ESRRG: variants seen among roughly 807,000 people sequenced by gnomAD.
The protein encoded by ESRRG is estrogen related receptor gamma, also known as estrogen-related receptor gamma.
Under a neutral mutation model 44.0 loss-of-function variants are expected in ESRRG, and 13 were observed. The ratio of observed to expected loss-of-function variants is 0.30; its 90% CI spans 0.19 to 0.47. ESRRG has a LOEUF of 0.47. ESRRG is among the 20% of genes least tolerant of loss of function. The pLI is 1.00. For missense variants in ESRRG, 395 were observed against 580.6 expected, an observed-to-expected ratio of 0.68 and a Z score of 3.29; for synonymous variants, 215 against 214.6, an observed-to-expected ratio of 1.00 and a Z score of -0.02.
At chr1:216,746,804 C>CTG (rs2091454297) in intron 2 of ESRRG, among the ~76,000 whole-genome samples, 1 of 152,132 alleles carries the variant, frequency 6.6e-6, no homozygotes, top group Non-Finnish European at 1.5e-5. Context: ...TTTCCAAAAA[C>CTG]TGTCTGTTCA....
chr1:217,072,492 T>C (rs1199406565), intron 1 of ESRRG, among the ~76,000 whole-genome samples: 1 of 152,230 alleles, frequency 6.6e-6, no homozygotes, highest in African/African-American at 2.4e-5. Flanking sequence ...TATATAATCT[T>C]ATTTAATCCT....
intron 3 of ESRRG, among the ~76,000 whole-genome samples, chr1:216,631,246 G>A (rs1303709432): frequency 6.6e-6 from 1 of 152,142 alleles, no homozygotes; most frequent in Non-Finnish European, 1.5e-5. Context: ...AATAGTCACA[G>A]GAAGTTGCTA....
intron 2 of ESRRG, among the ~76,000 whole-genome samples, chr1:216,749,026 T>C (rs2091734166): frequency 6.6e-6 from 1 of 152,142 alleles, no homozygotes; most frequent in Non-Finnish European, 1.5e-5. Context: ...TAATTTGTCA[T>C]GGCTCCATGC....
chr1:217,098,310 C>T (rs2092455901), intron 1 of ESRRG, among the ~76,000 whole-genome samples: 1 of 150,738 alleles, frequency 6.6e-6, no homozygotes, highest in Admixed American at 6.6e-5. Context: ...CATCATAAAA[C>T]ACTCATATTT....
At chr1:216,634,637 A>G (rs1299198748) in intron 3 of ESRRG, among the ~76,000 whole-genome samples, 2 of 152,208 alleles carry the variant, frequency 1.3e-5, no homozygotes, top group Non-Finnish European at 2.9e-5. Flanking sequence ...GCCAGTGCAG[A>G]ATAGCTGGAC....
At chr1:216,894,232 C>A (rs113309802) in intron 2 of ESRRG, among the ~76,000 whole-genome samples, 3,380 of 152,212 alleles carry the variant, frequency 0.022, 50 homozygotes, top group Non-Finnish European at 0.036. Flanking sequence ...GAAACTATGA[C>A]CTGGTAGTGA....
intron 2 of ESRRG, among the ~76,000 whole-genome samples, chr1:216,848,654 AC>A (rs2095797041): frequency 1.3e-5 from 2 of 152,202 alleles, no homozygotes; most frequent in African/African-American, 4.8e-5. Context: ...AGACAGTTAA[AC>A]TTTGCTATGC....
chr1:216,546,072 C>G (rs1017834920), intron 5 of ESRRG, among the ~76,000 whole-genome samples: 5 of 152,040 alleles, frequency 3.3e-5, no homozygotes, highest in African/African-American at 9.7e-5. Flanking sequence ...TTCTCAACAT[C>G]AGCACTATTG....
chr1:216,604,815 A>G (rs1270090847), intron 3 of ESRRG, among the ~76,000 whole-genome samples: 5 of 152,206 alleles, frequency 3.3e-5, no homozygotes, highest in Non-Finnish European at 7.3e-5. Context: ...TCCTTGATCT[A>G]AACATGCATT....
At chr1:216,533,693 A>G (rs1475775372) in intron 5 of ESRRG, among the ~76,000 whole-genome samples, 2 of 152,142 alleles carry the variant, frequency 1.3e-5, no homozygotes, top group Non-Finnish European at 2.9e-5. Flanking sequence ...CATGTTCCCT[A>G]ACTAGCGGAT....
At chr1:216,932,342 G>T (rs904987165) in intron 2 of ESRRG, among the ~76,000 whole-genome samples, 1 of 152,068 alleles carries the variant, frequency 6.6e-6, no homozygotes. Context: ...AAAAAAATTG[G>T]CAAGGCAGTA....
rs141456185 is a variant in ESRRG, at chr1:217,098,917, T to C, written c.-230+38750A>G. On this transcript the variant is annotated intron_variant, in intron 1 of 8. Coordinates refer to the ESRRG transcript ENST00000366940. ...ACCCTCTTAGGGAGGACTACCTATG[T>C]CACCTGATTTAAAACAGAAACATCA... 3.3e-4 allele frequency among the ~76,000 whole-genome samples: 50 copies of C among 152,324 alleles called. 1 individual carries two copies. The highest frequency in any genetic ancestry group is 1.1e-3 in the African/African-American group (46 of 41,578).
At chr1:217,053,603 A>C (rs913954656) in intron 1 of ESRRG, among the ~76,000 whole-genome samples, 10 of 152,228 alleles carry the variant, frequency 6.6e-5, no homozygotes, top group African/African-American at 2.4e-4. Context: ...ATTCAAGAAT[A>C]AATATTAATA....
At chr1:216,711,043 C>T (rs1006456593) in intron 1 of ESRRG, among the ~76,000 whole-genome samples, 33 of 152,160 alleles carry the variant, frequency 2.2e-4, no homozygotes, top group Admixed American at 1.2e-3. Context: ...TGAGTCCTGA[C>T]GTGACCCTAA....
intron 1 of ESRRG, among the ~76,000 whole-genome samples, chr1:216,946,019 CCCTGGAACAG>C (rs2065998078): frequency 1.3e-5 from 2 of 152,106 alleles, no homozygotes; most frequent in African/African-American, 4.8e-5. Context: ...GAGAGCTGCT[CCCTGGAACAG>C]CTCATTATTT....
Position 216,764,598 on chromosome 1 carries a change from A to G in ESRRG, c.-13-87107T>C, listed in dbSNP as rs145543126. Among the ~76,000 whole-genome samples the G allele has an allele frequency of 2.9e-3, 440 of 152,164 alleles. 1 individual carries two copies. Among genetic ancestry groups the G allele is most frequent in the African/African-American group, 0.01 (427 of 41,550 alleles). ...GGGGGACTCTTAACTCCTGGTCTCA[A>G]GCAAACTTCCCTCCTCAGCCTGACA... On this transcript the variant is annotated intron_variant, in intron 2 of 7. Transcript: ENST00000359162.
chr1:216,633,474 G>A (rs1558931462), intron 3 of ESRRG, among the ~76,000 whole-genome samples: 1 of 152,210 alleles, frequency 6.6e-6, no homozygotes, highest in Admixed American at 6.5e-5. Flanking sequence ...ATCCGAGCAA[G>A]CATTGTACAT....
chr1:216,527,266 T>C (rs1498286), intron 5 of ESRRG, among the ~76,000 whole-genome samples: 54,026 of 151,926 alleles, frequency 0.36, 9,764 homozygotes, highest in African/African-American at 0.38. Flanking sequence ...TCCCCTCCAT[T>C]CCAGTTTTGG....
At chr1:216,834,860 A>G (rs1380078739) in intron 2 of ESRRG, among the ~76,000 whole-genome samples, 2 of 152,230 alleles carry the variant, frequency 1.3e-5, no homozygotes, top group Non-Finnish European at 2.9e-5. Flanking sequence ...GGAAAAGGCC[A>G]TTAAATACAG....
Sources: gnomAD v4.1 joint callset for allele counts (sites outside exome capture counted in the v4.1 genomes callset) on GRCh38, gnomAD v4.1.1 for gene constraint, MANE v1.5 for transcripts, NCBI Gene and HGNC (gene_info 2026-07-23, HGNC 2026-07-21) for gene names.